Variants in UPF3A observed in about 807,000 individuals in gnomAD.
UPF3A encodes the protein regulator of nonsense transcripts 3A.
Under a neutral mutation model 53.5 loss-of-function variants are expected in UPF3A, and 42 were observed. That is an observed-to-expected ratio of 0.78 (90% CI 0.61 to 1.01). The LOEUF is 1.01. Ranked by LOEUF, UPF3A falls within the 50% of genes least tolerant of loss-of-function variation. UPF3A has a pLI of 0.00. For synonymous variants in UPF3A, 237 were observed against 225.3 expected, an observed-to-expected ratio of 1.05 and a Z score of -0.47; for missense variants, 575 against 598.0, an observed-to-expected ratio of 0.96 and a Z score of 0.40.
rs557490786 is a variant in UPF3A at position 114,299,117 on chromosome 13, T to C, written c.1007+117T>C. The C allele has an allele frequency of 3.5e-5, 38 of 1,098,202 alleles. No homozygotes were observed. In the East Asian group the frequency reaches 1.0e-3, roughly 30 times the overall value. 68.0% of individuals were successfully genotyped at this position (1,098,202 alleles called of 1,614,324 possible). A position where few individuals can be genotyped will look rare whatever the true frequency, so the allele number is the denominator to read the frequency against. The stretch of plus-strand genomic sequence containing the variant: ...TTGGAATCCAAGACTTTCCAGGGTG[T>C]GCGAGTACACGTTAGCCTTCATTTC... On this transcript the variant is annotated intron_variant, in intron 8 of 9. Coordinates refer to ENST00000375299, the MANE Select transcript of UPF3A (RefSeq NM_023011.4).
rs1375001883 is a variant in UPF3A at position 114,281,907 on chromosome 13, G to GGGGA, written c.207+69_207+72dup. 147 of 1,035,252 alleles carry GGGGA rather than the reference G, an allele frequency of 1.4e-4. 1 individual carries two copies. The African/African-American group carries it at 2.2e-3, about 15-fold the overall frequency. 64.1% of individuals were successfully genotyped at this position (1,035,252 alleles called of 1,614,324 possible). A position where few individuals can be genotyped will look rare whatever the true frequency, so the allele number is the denominator to read the frequency against. On this transcript the variant is annotated intron_variant, in intron 1 of 9. Transcript: ENST00000375299. ...GAGAGGACGGCCCTGAGTGGAGGGA[G>GGGGA]GGGAGGGAGGGGAGGGAGGGGCGGG...
intron 7 of UPF3A, among the ~76,000 whole-genome samples, chr13:114,298,553 G>A (rs2086284404): frequency 6.6e-6 from 1 of 152,136 alleles, no homozygotes; most frequent in African/African-American, 2.4e-5. Flanking sequence ...AGAGAAAAGT[G>A]TAAGTGAGAT....
At chr13:114,304,582 C>T (rs1026808871) in intron 9 of UPF3A, among the ~76,000 whole-genome samples, 2 of 152,148 alleles carry the variant, frequency 1.3e-5, no homozygotes, top group African/African-American at 2.4e-5. Context: ...TAACATTTGC[C>T]CAGATAACCA....
At chr13:114,297,530 A>G (rs1023786790) in intron 7 of UPF3A, among the ~76,000 whole-genome samples, 2 of 152,212 alleles carry the variant, frequency 1.3e-5, no homozygotes, top group African/African-American at 4.8e-5. Context: ...CAGTTCTGCC[A>G]TCTAGAAATA....
At chr13:114,282,224 T>C in intron 2 of UPF3A, 97 bp downstream of exon 2, 1 of 1,073,548 alleles carries the variant, frequency 9.3e-7, no homozygotes, top group Non-Finnish European at 1.3e-6. Flanking sequence ...TGATTTCTCC[T>C]ATATGGGAGT....
In UPF3A at chr13:114,281,606, G is replaced by A. The variant is rs1330683729; in HGVS notation, c.-34G>A. 1.4e-6 allele frequency: 2 copies of A among 1,402,252 alleles called. No homozygotes were observed. The highest frequency in any genetic ancestry group is 1.9e-6 in the Non-Finnish European group (2 of 1,080,576). The allele number at this position is 1,402,252 out of a possible 1,614,324, so 86.9% of individuals were successfully genotyped here. A position where few individuals can be genotyped will look rare whatever the true frequency, so the allele number is the denominator to read the frequency against. ...CCGAGCTCTCGCGAGGTTTCGTCGG[G>A]GGCTGGCGGCTGCGGCTCGGCGGAG... On this transcript the variant is annotated 5_prime_UTR_variant, in exon 1 of 10. Coordinates refer to ENST00000375299, the MANE Select transcript of UPF3A (RefSeq NM_023011.4).
intron 7 of UPF3A, among the ~76,000 whole-genome samples, chr13:114,295,947 G>GA (rs2085944572): frequency 2.0e-5 from 3 of 152,184 alleles, no homozygotes; most frequent in South Asian, 4.1e-4. Flanking sequence ...TAGTTGGCCA[G>GA]AAAGCCAAGG....
In UPF3A at chr13:114,294,063, C is replaced by T. The variant is rs183800179; in HGVS notation, c.846+2271C>T. Among the ~76,000 whole-genome samples the T allele has an allele frequency of 5.9e-4, 90 of 152,164 alleles. 1 individual carries two copies. The highest frequency in any genetic ancestry group is 2.0e-3 in the African/African-American group (82 of 41,520). ...CCTCCCAAAGTTTGGGGATTACAGG[C>T]GTGAGCCACCATGCCTGGCCTGGTT... On this transcript the variant is annotated intron_variant, in intron 7 of 9. Transcript: ENST00000375299.
Position 114,282,119 on chromosome 13 carries a change from C to T in UPF3A, c.306C>T (p.Ala102=). 1 of 1,561,738 alleles carries T rather than the reference C, an allele frequency of 6.4e-7. No homozygotes were observed. The highest frequency in any genetic ancestry group is 8.7e-7 in the Non-Finnish European group (1 of 1,154,182). The change falls in exon 2 of 10, where the codon GCC becomes GCT. Residue 102 remains alanine (A), a synonymous_variant. Transcript: ENST00000375299. ...ACGACTACTTCGAGTTCTTCGCCGC[C>T]GACCTGAGGTGAGGCCCGCCCCGAG... ...PAHDYFEFFA[A]DLSLYPHLYS... is the part of the protein sequence containing the mutation.
At chr13:114,291,386 G>A in intron 5 of UPF3A, 103 bp from the exon 6 acceptor site, 2 of 1,126,640 alleles carry the variant, frequency 1.8e-6, no homozygotes, top group Non-Finnish European at 2.5e-6. Context: ...AAAAAGTAAT[G>A]ATATGGTTCC....
intron 7 of UPF3A, among the ~76,000 whole-genome samples, chr13:114,295,861 T>G (rs1432623801): frequency 6.6e-6 from 1 of 152,158 alleles, no homozygotes; most frequent in South Asian, 2.1e-4. Context: ...CTCGGGAATC[T>G]GCAGTAATAT....
intron 3 of UPF3A, among the ~76,000 whole-genome samples, chr13:114,284,699 A>C (rs540997038): frequency 4.5e-5 from 6 of 133,992 alleles, no homozygotes; most frequent in African/African-American, 1.6e-4. Context: ...ACTCTGTCTC[A>C]AAAAAAAAAA....
In UPF3A at chr13:114,281,729, A is replaced by G; in HGVS notation, c.90A>G (p.Glu30=). Residue 30 remains glutamate (E), a synonymous_variant, in exon 1 of 10, where the codon GAA becomes GAG. Transcript: ENST00000375299. ...PSGREKLSAL[E]VQFHRDSQQQ... The stretch of plus-strand genomic sequence containing the variant: ...GGAGGGAGAAGCTGTCGGCCCTAGA[A>G]GTGCAGTTCCACCGCGACTCGCAGC... 1 of 1,557,178 alleles carries G rather than the reference A, an allele frequency of 6.4e-7. No individual in the cohort carries two copies. Among genetic ancestry groups the G allele is most frequent in the Non-Finnish European group, 8.7e-7 (1 of 1,151,512 alleles).
intron 7 of UPF3A, among the ~76,000 whole-genome samples, chr13:114,295,860 C>T (rs963684365): frequency 6.6e-6 from 1 of 152,298 alleles, no homozygotes; most frequent in East Asian, 1.9e-4. Context: ...CCTCGGGAAT[C>T]TGCAGTAATA....
chr13:114,304,408 G>A lies in UPF3A; in HGVS notation c.1303-381G>A, dbSNP rs141106321. 2.8e-3 allele frequency among the ~76,000 whole-genome samples: 428 copies of A among 152,294 alleles called. 4 individuals carry two copies. Among genetic ancestry groups the A allele is most frequent in the Non-Finnish European group, 4.9e-3 (332 of 68,014 alleles). On this transcript the variant is annotated intron_variant, in intron 9 of 9. Transcript: ENST00000375299. ...CTCCCTGCTGGTACATGCTAGGCAG[G>A]GATAAGCCCCATGGAAATTGCTTAC...
At chr13:114,298,187 C>G (rs1015984597) in intron 7 of UPF3A, among the ~76,000 whole-genome samples, 2 of 151,974 alleles carry the variant, frequency 1.3e-5, no homozygotes, top group African/African-American at 4.8e-5. Flanking sequence ...GCCTGGCCGA[C>G]ATACTGAAAC....
chr13:114,296,334 A>T (rs956388419), intron 7 of UPF3A, among the ~76,000 whole-genome samples: 3 of 152,194 alleles, frequency 2.0e-5, no homozygotes, highest in Non-Finnish European at 4.4e-5. Context: ...GTGAGCCGAG[A>T]TCGCGTCACT....
At position 114,284,322 on chromosome 13, in the gene UPF3A, A is replaced by G. The variant is rs1250276883; in HGVS notation, c.421+1379A>G. On this transcript the variant is annotated intron_variant, in intron 3 of 9. Transcript: ENST00000375299. ...GGTTGCAGTGAGCCGAGATCATGCCACTGCATCCCAGCCGGGGCGACGGAG... is the reference window on the plus strand; with the variant it reads ...GGTTGCAGTGAGCCGAGATCATGCCGCTGCATCCCAGCCGGGGCGACGGAG... Among the ~76,000 whole-genome samples, 9 of 152,002 alleles carry G rather than the reference A, an allele frequency of 5.9e-5. No homozygotes were observed. In the East Asian group the frequency reaches 1.5e-3, roughly 26 times the overall value.
Position 114,302,740 on chromosome 13 carries a change from TTCAC to T in UPF3A, c.1302+719_1302+722del, listed in dbSNP as rs369707601. 1.2e-3 allele frequency among the ~76,000 whole-genome samples: 176 copies of T among 152,372 alleles called. 4 individuals carry two copies. The East Asian group carries it at 0.025, about 22-fold the overall frequency. Reference sequence around the variant, plus strand: ...TATGTGAGCTTTGAGAGTGGCTTTCTTCACTCAGTCTAATTCCTTTCAGATCCTT... The same window carrying T: ...TATGTGAGCTTTGAGAGTGGCTTTCTTCAGTCTAATTCCTTTCAGATCCTT... On this transcript the variant is annotated intron_variant, in intron 9 of 9. Transcript: ENST00000375299.
Sources: gnomAD v4.1 joint callset for allele counts (sites outside exome capture counted in the v4.1 genomes callset) on GRCh38, gnomAD v4.1.1 for gene constraint, MANE v1.5 for transcripts, NCBI Gene and HGNC (gene_info 2026-07-23, HGNC 2026-07-21) for gene names.